SCAPER: variants seen among roughly 807,000 people sequenced by gnomAD.
SCAPER encodes the protein S-phase cyclin A associated protein in the ER.
In SCAPER, 98 loss-of-function variants were observed where a neutral mutation model predicts 182.2. The observed-to-expected ratio is 0.54, with a 90% CI of 0.46 to 0.64. The LOEUF (loss-of-function observed/expected upper bound fraction) is 0.64, where lower values mean the gene tolerates loss of function less well. SCAPER is among the 30% of genes least tolerant of loss of function. The probability of loss-of-function intolerance (pLI) is 0.00; values close to 1 mark genes in which losing one functional copy is unlikely to be tolerated. For missense variants in SCAPER, 1,432 were observed against 1,690.0 expected (o/e 0.85, Z 2.68); for synonymous variants, 605 against 564.6 (o/e 1.07, Z -1.01).
chr15:76,809,354 G>A (rs986874123), intron 5 of SCAPER, among the ~76,000 whole-genome samples: 4 of 152,054 alleles, frequency 2.6e-5, no homozygotes, highest in African/African-American at 7.2e-5. Flanking sequence ...AAAGAAGTTC[G>A]CCAAGGTCAG....
chr15:76,440,415 T>C lies in SCAPER; in HGVS notation c.3079-6105A>G, dbSNP rs77127215. Among the ~76,000 whole-genome samples, 603 of 152,342 alleles carry C rather than the reference T, an allele frequency of 4.0e-3. 8 individuals carry two copies. Among genetic ancestry groups the C allele is most frequent in the East Asian group, 5.6e-3 (29 of 5,190 alleles). On this transcript the variant is annotated intron_variant, in intron 25 of 31. Coordinates refer to ENST00000563290, the MANE Select transcript of SCAPER (RefSeq NM_020843.4). The stretch of plus-strand genomic sequence containing the variant: ...TACAGAAAGATGCTTTTATTAGTAA[T>C]AGAAATCTATTGTTCTGTAATGTGA...
rs368635095 is a variant in SCAPER at position 76,882,886 on chromosome 15, G to A, written c.6+926C>T. On this transcript the variant is annotated intron_variant, in intron 2 of 31. Transcript: ENST00000563290. ...TCACCGTGTTAGCCAGGATGGTCTCGGTCTCCTGACCTTGTGATCCGCCCG... is the reference window on the plus strand; with the variant it reads ...TCACCGTGTTAGCCAGGATGGTCTCAGTCTCCTGACCTTGTGATCCGCCCG... 1.3e-4 allele frequency among the ~76,000 whole-genome samples: 20 copies of A among 152,140 alleles called. No individual in the cohort carries two copies. The East Asian group carries it at 2.9e-3, about 22-fold the overall frequency.
chr15:76,515,195 G>C (rs2144134865), intron 23 of SCAPER, among the ~76,000 whole-genome samples: 1 of 152,276 alleles, frequency 6.6e-6, no homozygotes, highest in South Asian at 2.1e-4. Context: ...ATTGGAAGTT[G>C]GACTCTTTGG....
chr15:76,802,583 G>A (rs1299256364), intron 6 of SCAPER, among the ~76,000 whole-genome samples: 1 of 152,154 alleles, frequency 6.6e-6, no homozygotes, highest in African/African-American at 2.4e-5. Context: ...ATGTTAAAAG[G>A]ATCAACCTAT....
intron 8 of SCAPER, among the ~76,000 whole-genome samples, chr15:76,786,735 G>T (rs1242182150): frequency 6.6e-6 from 1 of 152,108 alleles, no homozygotes; most frequent in Non-Finnish European, 1.5e-5. Flanking sequence ...CCTATTTTTA[G>T]ATGACATAAT....
chr15:76,695,661 G>A (rs952976067), intron 20 of SCAPER, among the ~76,000 whole-genome samples: 2 of 151,670 alleles, frequency 1.3e-5, no homozygotes, highest in Non-Finnish European at 2.9e-5. Flanking sequence ...CCTAATAAGT[G>A]GAATCTAAAA....
chr15:76,900,311 T>C (rs2074706301), intron 1 of SCAPER, among the ~76,000 whole-genome samples: 1 of 131,462 alleles, frequency 7.6e-6, no homozygotes, highest in South Asian at 2.3e-4. Flanking sequence ...TCCCCCTCTC[T>C]GAGAAACACC....
intron 24 of SCAPER, chr15:76,498,411 C>T (rs752518866): frequency 6.6e-6 from 1 of 152,180 alleles, no homozygotes; most frequent in Non-Finnish European, 1.5e-5. Flanking sequence ...CTACACAACA[C>T]AAAGAGAGGG....
intron 15 of SCAPER, among the ~76,000 whole-genome samples, chr15:76,741,621 T>C (rs901580997): frequency 3.3e-5 from 5 of 152,066 alleles, no homozygotes; most frequent in South Asian, 2.1e-4. Flanking sequence ...TATGTATACA[T>C]AGGACTCCAA....
chr15:76,652,566 C>T lies in SCAPER; in HGVS notation c.2645+13087G>A, dbSNP rs553869069. Among the ~76,000 whole-genome samples, 1,031 of 134,580 alleles carry T rather than the reference C, an allele frequency of 7.7e-3. 7 individuals carry two copies. Among genetic ancestry groups the T allele is most frequent in the Middle Eastern group, 0.027 (7 of 264 alleles). The allele number at this position is 134,580 out of a possible 152,430, so 88.3% of individuals were successfully genotyped here. A position where few individuals can be genotyped will look rare whatever the true frequency, so the allele number is the denominator to read the frequency against. On this transcript the variant is annotated intron_variant, in intron 21 of 31. Transcript: ENST00000563290. ...ACACACACACACACACACACATTAG[C>T]CGGGTGTGGTGGCAGGTGCCTGTTA...
intron 26 of SCAPER, among the ~76,000 whole-genome samples, chr15:76,428,637 G>C (rs1375428192): frequency 2.0e-5 from 3 of 151,858 alleles, no homozygotes; most frequent in African/African-American, 7.3e-5. Context: ...GCTGAGGAGG[G>C]GCTGGGGGAA....
At chr15:76,440,915 T>TC (rs2047536356) in intron 25 of SCAPER, among the ~76,000 whole-genome samples, 2 of 64,052 alleles carry the variant, frequency 3.1e-5, no homozygotes, top group Non-Finnish European at 6.7e-5. Flanking sequence ...TGGTTTTTTT[T>TC]TTGTTTTTTT....
At chr15:76,807,289 C>A (rs916094412) in intron 5 of SCAPER, among the ~76,000 whole-genome samples, 1 of 152,168 alleles carries the variant, frequency 6.6e-6, no homozygotes, top group African/African-American at 2.4e-5. Flanking sequence ...GCCTTTTCTG[C>A]ACCAACTGAG....
chr15:76,404,106 C>T (rs892246975), intron 27 of SCAPER, among the ~76,000 whole-genome samples: 2 of 152,156 alleles, frequency 1.3e-5, no homozygotes, highest in Non-Finnish European at 2.9e-5. Flanking sequence ...ATAAACCTAG[C>T]AGCCTATAAC....
intron 20 of SCAPER, among the ~76,000 whole-genome samples, chr15:76,686,800 C>T (rs1185660643): frequency 6.6e-6 from 1 of 152,084 alleles, no homozygotes; most frequent in African/African-American, 2.4e-5. Flanking sequence ...CTAAAGATTA[C>T]ATACAGCAAG....
At chr15:76,648,174 T>C (rs1380698019) in intron 21 of SCAPER, among the ~76,000 whole-genome samples, 1 of 133,746 alleles carries the variant, frequency 7.5e-6, no homozygotes, top group East Asian at 2.3e-4. Flanking sequence ...TTCATAAACA[T>C]ATTAAATGAA....
chr15:76,584,685 C>T (rs2048501547), intron 22 of SCAPER, among the ~76,000 whole-genome samples: 1 of 152,044 alleles, frequency 6.6e-6, no homozygotes, highest in Admixed American at 6.6e-5. Flanking sequence ...TATGCTTTTG[C>T]GTTCTTACCG....
chr15:76,854,440 C>G (rs2071112184), intron 4 of SCAPER, among the ~76,000 whole-genome samples: 1 of 152,010 alleles, frequency 6.6e-6, no homozygotes, highest in African/African-American at 2.4e-5. Flanking sequence ...TTACAAAACA[C>G]TGCTCAAAGA....
chr15:76,827,797 G>A (rs752986430), intron 5 of SCAPER, among the ~76,000 whole-genome samples: 7 of 152,144 alleles, frequency 4.6e-5, no homozygotes, highest in Non-Finnish European at 1.0e-4. Flanking sequence ...AAAAATCAAA[G>A]TATGGTATAA....
Sources: allele counts gnomAD v4.1 joint callset (sites outside exome capture counted in the v4.1 genomes callset), GRCh38; gene constraint gnomAD v4.1.1; transcripts MANE v1.5; gene names NCBI Gene and HGNC (gene_info 2026-07-23, HGNC 2026-07-21).